The following PGPEP1 variants were observed in gnomAD, a reference collection of about 807,000 sequenced individuals.
PGPEP1 encodes pyroglutamyl-peptidase I.
In PGPEP1, 15 loss-of-function variants were observed where a neutral mutation model predicts 24.1. The observed-to-expected ratio is 0.62, with a 90% CI of 0.42 to 0.96. PGPEP1 has a LOEUF of 0.96. Among genes scored for constraint, PGPEP1 ranks in the 40% least tolerant of loss-of-function variants. The pLI is 0.00. For missense variants in PGPEP1, 242 were observed against 273.4 expected (o/e 0.89, Z 0.81); for synonymous variants, 122 against 116.4 (o/e 1.05, Z -0.31).
At position 18,356,002 on chromosome 19, in the gene PGPEP1, C is replaced by T. The variant is rs748821996; in HGVS notation, c.195C>T (p.His65=). The change falls in exon 3 of 5, where the codon CAC becomes CAT. Residue 65 remains histidine, a synonymous_variant. Coordinates refer to ENST00000269919, the MANE Select transcript of PGPEP1 (RefSeq NM_017712.4). The part of the protein sequence containing the change: ...QRLIPALWEK[H]SPQLVVHVGV... ...TCATCCCCGCCCTGTGGGAGAAGCA[C>T]AGTCCACAGGTGAGTGGTGCCAAGG... 9 of 1,600,198 alleles carry T rather than the reference C, an allele frequency of 5.6e-6. No individual in the cohort carries two copies. The highest frequency in any genetic ancestry group is 7.7e-6 in the Non-Finnish European group (9 of 1,167,590).
intron 4 of PGPEP1, among the ~76,000 whole-genome samples, chr19:18,361,296 C>T (rs1024227692): frequency 3.9e-5 from 6 of 152,160 alleles, no homozygotes; most frequent in African/African-American, 1.4e-4. Flanking sequence ...TGCCACCATG[C>T]CCAGAAAATT....
chr19:18,343,041 C>T (rs1970719750), intron 2 of PGPEP1, 130 bp downstream of exon 2: 2 of 685,532 alleles, frequency 2.9e-6, no homozygotes, highest in Middle Eastern at 3.9e-4. Flanking sequence ...ACTCTGTCAC[C>T]CAGGCTGGAA....
At position 18,363,548 on chromosome 19, in the gene PGPEP1, T is replaced by C. The variant is rs763429217; in HGVS notation, c.595T>C (p.Ser199Pro). 3.7e-6 allele frequency: 6 copies of C among 1,613,856 alleles called. No individual in the cohort carries two copies. The highest frequency in any genetic ancestry group is 5.1e-6 in the Non-Finnish European group (6 of 1,179,914). ...IEEMLDLLEQSEGKINYCHKH is the reference protein window; with the variant it reads ...IEEMLDLLEQPEGKINYCHKH Reference sequence around the variant, plus strand: ...GGAGATGTTGGACCTCCTGGAGCAGTCAGAGGGCAAAATCAACTATTGCCA... The same window carrying C: ...GGAGATGTTGGACCTCCTGGAGCAGCCAGAGGGCAAAATCAACTATTGCCA... The change falls in exon 5 of 5, where the codon TCA (serine) becomes CCA (proline). Residue 199 changes from serine (S) to proline (P), a missense_variant. Transcript: ENST00000269919.
At chr19:18,359,640 T>C (rs899640535) in intron 4 of PGPEP1, among the ~76,000 whole-genome samples, 1 of 152,054 alleles carries the variant, frequency 6.6e-6, no homozygotes, top group Non-Finnish European at 1.5e-5. Context: ...CCCAAGTAGC[T>C]GGGATTACAG....
At chr19:18,351,894 G>T (rs954038021) in intron 2 of PGPEP1, among the ~76,000 whole-genome samples, 1 of 151,882 alleles carries the variant, frequency 6.6e-6, no homozygotes, top group Non-Finnish European at 1.5e-5. Flanking sequence ...AGAGGCCAAG[G>T]GGGGGCTGAT....
intron 2 of PGPEP1, among the ~76,000 whole-genome samples, chr19:18,347,221 A>G (rs564481591): frequency 1.3e-5 from 2 of 148,928 alleles, no homozygotes; most frequent in South Asian, 4.3e-4. Flanking sequence ...AGCTGGGACT[A>G]CAGGCATGCA....
In PGPEP1 at chr19:18,364,309, T is replaced by C. The variant is rs1971462911; in HGVS notation, c.*726T>C. On this transcript the variant is annotated 3_prime_UTR_variant, in exon 5 of 5. Transcript: ENST00000269919. Reference sequence around the variant, plus strand: ...CCACTTTTGCCTCCTGCCCTGAAAATTGGACTTAAGATGCCATGTCTTGGC... The same window carrying C: ...CCACTTTTGCCTCCTGCCCTGAAAACTGGACTTAAGATGCCATGTCTTGGC... The C allele has an allele frequency of 6.6e-6, 1 of 151,744 alleles. No homozygotes were observed. 9.4% of individuals were successfully genotyped at this position (151,744 alleles called of 1,614,324 possible).
chr19:18,342,805 G>T, intron 1 of PGPEP1, 54 bp from the exon 2 acceptor site: 5 of 1,396,910 alleles, frequency 3.6e-6, no homozygotes, highest in Non-Finnish European at 5.1e-6. Context: ...CAGGCCAGGG[G>T]CAGACTGGGA....
intron 2 of PGPEP1, among the ~76,000 whole-genome samples, 158 bp downstream of exon 2, chr19:18,343,069 A>G (rs935100231): frequency 2.6e-5 from 4 of 151,084 alleles, no homozygotes; most frequent in African/African-American, 9.7e-5. Flanking sequence ...GCACAATCTC[A>G]GCCCACTGCA....
intron 4 of PGPEP1, among the ~76,000 whole-genome samples, chr19:18,361,129 G>T (rs1971338064): frequency 6.6e-6 from 1 of 151,256 alleles, no homozygotes; most frequent in Admixed American, 6.6e-5. Context: ...TCCGCACCCA[G>T]CTCAATTTTC....
At chr19:18,363,257 G>A in intron 4 of PGPEP1, 134 bp from the exon 5 acceptor site, 1 of 626,250 alleles carries the variant, frequency 1.6e-6, no homozygotes, top group Non-Finnish European at 2.7e-6. Flanking sequence ...GGAGGGAGGA[G>A]AGTGTTGTTC....
At chr19:18,348,054 C>A (rs1213428928) in intron 2 of PGPEP1, among the ~76,000 whole-genome samples, 1 of 92,530 alleles carries the variant, frequency 1.1e-5, no homozygotes, top group Admixed American at 1.1e-4. Context: ...ACAGAGGGGA[C>A]CCCCCCTTGT....
At chr19:18,350,758 A>C (rs991496177) in intron 2 of PGPEP1, among the ~76,000 whole-genome samples, 3 of 152,206 alleles carry the variant, frequency 2.0e-5, no homozygotes, top group Non-Finnish European at 2.9e-5. Context: ...GAGCAAACAG[A>C]GTTGCAGGAT....
At chr19:18,360,309 C>A (rs1018241766) in intron 4 of PGPEP1, among the ~76,000 whole-genome samples, 3 of 151,304 alleles carry the variant, frequency 2.0e-5, no homozygotes, top group Non-Finnish European at 3.0e-5. Flanking sequence ...CCACTGAGTT[C>A]TTTTTAAAGC....
At chr19:18,361,774 G>T in intron 4 of PGPEP1, 1 of 985,290 alleles carries the variant, frequency 1.0e-6, no homozygotes, top group Non-Finnish European at 1.2e-6. Context: ...CACTTGGCCT[G>T]CTGCTTTATG....
intron 3 of PGPEP1, among the ~76,000 whole-genome samples, chr19:18,357,165 T>A (rs1245608867): frequency 6.6e-6 from 1 of 152,230 alleles, no homozygotes; most frequent in Non-Finnish European, 1.5e-5. Context: ...CAAGAACAGC[T>A]GCAGTGAACA....
intron 4 of PGPEP1, among the ~76,000 whole-genome samples, chr19:18,361,108 A>G (rs1971336482): frequency 6.6e-6 from 1 of 151,838 alleles, no homozygotes; most frequent in Non-Finnish European, 1.5e-5. Flanking sequence ...CTAGAATTAC[A>G]GGTGTGAGCC....
intron 4 of PGPEP1, among the ~76,000 whole-genome samples, chr19:18,359,470 G>A (rs979462374): frequency 2.0e-5 from 3 of 149,384 alleles, no homozygotes; most frequent in Admixed American, 2.0e-4. Flanking sequence ...TATGGCCTCT[G>A]CCCAGAACAC....
chr19:18,355,091 C>T (rs1214645302), intron 2 of PGPEP1, among the ~76,000 whole-genome samples: 3 of 151,268 alleles, frequency 2.0e-5, no homozygotes, highest in Non-Finnish European at 4.4e-5. Context: ...GCCTCAGCCT[C>T]CCCAGTAGCT....
Sources: allele counts gnomAD v4.1 joint callset (sites outside exome capture counted in the v4.1 genomes callset), GRCh38; gene constraint gnomAD v4.1.1; transcripts MANE v1.5; gene names NCBI Gene and HGNC (gene_info 2026-07-23, HGNC 2026-07-21).